SPAG6: variants seen among roughly 807,000 people sequenced by gnomAD.
SPAG6 encodes sperm-associated antigen 6.
A neutral mutation model predicts 58.5 loss-of-function variants in SPAG6; 49 were observed. That is an observed-to-expected ratio of 0.84 (90% CI 0.67 to 1.06). The LOEUF (loss-of-function observed/expected upper bound fraction) is 1.06. Ranked by LOEUF, SPAG6 falls within the 50% of genes least tolerant of loss-of-function variation. The probability of loss-of-function intolerance (pLI) is 0.00; values close to 1 mark genes in which losing one functional copy is unlikely to be tolerated. For synonymous variants in SPAG6, 233 were observed against 225.6 expected, an observed-to-expected ratio of 1.03 and a Z score of -0.29; for missense variants, 560 against 611.3, an observed-to-expected ratio of 0.92 and a Z score of 0.89.
At chr10:22,388,216 C>T (rs539780322) in intron 6 of SPAG6, among the ~76,000 whole-genome samples, 62 of 151,672 alleles carry the variant, frequency 4.1e-4, no homozygotes, top group Admixed American at 6.6e-4. Context: ...TAACCTCTGC[C>T]CACTAGATGC....
intron 2 of SPAG6, among the ~76,000 whole-genome samples, chr10:22,346,454 CTT>C (rs1836540169): frequency 5.8e-5 from 8 of 138,980 alleles, no homozygotes; most frequent in Admixed American, 4.9e-4. Flanking sequence ...TCTTCTTCTT[CTT>C]CTTCTTCTTC....
chr10:22,387,705 C>A (rs1834100247), intron 5 of SPAG6, 118 bp from the exon 6 acceptor site: 2 of 952,336 alleles, frequency 2.1e-6, no homozygotes, highest in Non-Finnish European at 2.9e-6. Flanking sequence ...TAGGCATGTA[C>A]ATTTTTTTCC....
chr10:22,345,707 ACT>A lies in SPAG6; in HGVS notation c.26-8_26-7del, dbSNP rs761148936. The A allele has an allele frequency of 7.5e-6, 12 of 1,606,068 alleles. No homozygotes were observed. The highest frequency in any genetic ancestry group is 4.5e-5 in the East Asian group (2 of 44,292). On this transcript the variant is annotated splice_polypyrimidine_tract_variant and intron_variant, in intron 1 of 10. Coordinates refer to ENST00000376624, the MANE Select transcript of SPAG6 (RefSeq NM_012443.4). This position sits in a 1 kb window ranked among gnomAD's most constrained non-coding sequence, Gnocchi z 6.3. ...GACCCGGGTGCGGTGGGCTCCACCG[ACT>A]CTCTCTCCCGCAGTGTTCGAGCAAT...
In SPAG6 at chr10:22,374,163, T is replaced by C. The variant is rs185591893; in HGVS notation, c.472+5485T>C. Reference sequence around the variant, plus strand: ...ACAGAATGTAATATATAAGCTCAGATTCCTAAGTTACTCATGCCTCTGACT... The same window carrying C: ...ACAGAATGTAATATATAAGCTCAGACTCCTAAGTTACTCATGCCTCTGACT... On this transcript the variant is annotated intron_variant, in intron 4 of 10. Transcript: ENST00000376624. Among the ~76,000 whole-genome samples the C allele has an allele frequency of 1.6e-3, 249 of 152,322 alleles. 1 individual carries two copies. The highest frequency in any genetic ancestry group is 2.7e-3 in the Non-Finnish European group (181 of 68,026).
At chr10:22,408,892 C>T (rs904099141) in intron 9 of SPAG6, among the ~76,000 whole-genome samples, 13 of 152,152 alleles carry the variant, frequency 8.5e-5, no homozygotes, top group African/African-American at 2.4e-4. Flanking sequence ...GGGAGTGACC[C>T]GATTTTCCAG....
intron 4 of SPAG6, among the ~76,000 whole-genome samples, chr10:22,380,604 G>A (rs1833931205): frequency 1.3e-5 from 2 of 152,056 alleles, no homozygotes; most frequent in African/African-American, 4.8e-5. Flanking sequence ...ACTGTACCCA[G>A]GCAAAATGTA....
rs773691466 is a variant in SPAG6 at position 22,411,025 on chromosome 10, T to C, written c.1315-6T>C. ...AGCTGACATTTTATGTGCTTCACTT[T>C]GCAAGGTGCTGCCGCATGATAGCAA... On this transcript the variant is annotated splice_polypyrimidine_tract_variant and splice_region_variant and intron_variant, in intron 9 of 10. Coordinates refer to ENST00000376624, the MANE Select transcript of SPAG6 (RefSeq NM_012443.4). 1 of 1,607,564 alleles carries C rather than the reference T, an allele frequency of 6.2e-7. No homozygotes were observed. The highest frequency in any genetic ancestry group is 2.2e-5 in the East Asian group (1 of 44,842).
intron 2 of SPAG6, among the ~76,000 whole-genome samples, chr10:22,347,434 C>T (rs1408307582): frequency 6.6e-6 from 1 of 152,086 alleles, no homozygotes; most frequent in Non-Finnish European, 1.5e-5. Context: ...AAAGTGTAAA[C>T]TTTTAAAGTT....
chr10:22,412,569 A>G, intron 10 of SPAG6: 9 of 945,652 alleles, frequency 9.5e-6, no homozygotes, highest in Non-Finnish European at 1.3e-5. Context: ...AAGCAGTGAT[A>G]TATCATAACA....
chr10:22,416,081 T>C (rs2130657874), intron 10 of SPAG6, among the ~76,000 whole-genome samples: 1 of 152,286 alleles, frequency 6.6e-6, no homozygotes, highest in East Asian at 1.9e-4. Flanking sequence ...TAAATAGTTT[T>C]TCAATACTAA....
At chr10:22,364,160 G>T (rs559047231) in intron 2 of SPAG6, among the ~76,000 whole-genome samples, 5 of 150,772 alleles carry the variant, frequency 3.3e-5, no homozygotes, top group Non-Finnish European at 7.4e-5. Context: ...TTAGTTGTGT[G>T]ACAATTAACC....
rs764257805 is a variant in SPAG6 at position 22,387,802 on chromosome 10, TG to T, written c.679-20del. On this transcript the variant is annotated intron_variant, in intron 5 of 10. Transcript: ENST00000376624. ...ATGCTATATAGTGTTTTGTTGTTGTTGTTTTTTTTTTGCTTCACAGCATCAG... is the reference window on the plus strand; with the variant it reads ...ATGCTATATAGTGTTTTGTTGTTGTTTTTTTTTTTTGCTTCACAGCATCAG... The T allele has an allele frequency of 1.3e-6, 2 of 1,577,444 alleles. No individual in the cohort carries two copies. Among genetic ancestry groups the T allele is most frequent in the Non-Finnish European group, 1.7e-6 (2 of 1,162,336 alleles).
intron 4 of SPAG6, among the ~76,000 whole-genome samples, chr10:22,386,338 G>A (rs572160640): frequency 1.3e-5 from 2 of 152,060 alleles, no homozygotes; most frequent in Admixed American, 1.3e-4. Flanking sequence ...CACGTAAATA[G>A]CACAAAATAC....
At chr10:22,390,950 A>C (rs1000966850) in intron 7 of SPAG6, among the ~76,000 whole-genome samples, 2 of 152,238 alleles carry the variant, frequency 1.3e-5, no homozygotes, top group African/African-American at 4.8e-5. Context: ...GATTACCATA[A>C]TCTCAAATTA....
chr10:22,406,749 C>T (rs1834567616), intron 9 of SPAG6, among the ~76,000 whole-genome samples: 1 of 151,978 alleles, frequency 6.6e-6, no homozygotes, highest in African/African-American at 2.4e-5. Context: ...TTAAAGTCTC[C>T]CATTATTATT....
intron 4 of SPAG6, among the ~76,000 whole-genome samples, chr10:22,379,421 T>TTTCA (rs1833900202): frequency 6.6e-6 from 1 of 152,188 alleles, no homozygotes; most frequent in East Asian, 1.9e-4. Flanking sequence ...AAGACTGAAA[T>TTTCA]GTCTTTTATA....
Position 22,387,803 on chromosome 10 carries a change from G to GC in SPAG6, c.679-20_679-19insC. Reference sequence around the variant, plus strand: ...TGCTATATAGTGTTTTGTTGTTGTTGTTTTTTTTTTGCTTCACAGCATCAG... The same window carrying GC: ...TGCTATATAGTGTTTTGTTGTTGTTGCTTTTTTTTTTGCTTCACAGCATCAG... On this transcript the variant is annotated intron_variant, in intron 5 of 10. Transcript: ENST00000376624. The GC allele has an allele frequency of 7.4e-7, 1 of 1,358,010 alleles. No individual in the cohort carries two copies. The highest frequency in any genetic ancestry group is 1.0e-6 in the Non-Finnish European group (1 of 1,000,750). 84.1% of individuals were successfully genotyped at this position (1,358,010 alleles called of 1,614,324 possible).
chr10:22,373,907 T>C (rs1214274098), intron 4 of SPAG6, among the ~76,000 whole-genome samples: 1 of 152,216 alleles, frequency 6.6e-6, no homozygotes, highest in African/African-American at 2.4e-5. Context: ...AATATCCCTC[T>C]ATGTTTTTTG....
At chr10:22,406,709 CGTT>C (rs1834566396) in intron 9 of SPAG6, among the ~76,000 whole-genome samples, 1 of 152,200 alleles carries the variant, frequency 6.6e-6, no homozygotes, top group East Asian at 1.9e-4. Flanking sequence ...CTTTCTGTCT[CGTT>C]GATCTGTCTG....
Sources: allele counts gnomAD v4.1 joint callset (sites outside exome capture counted in the v4.1 genomes callset), GRCh38; gene constraint gnomAD v4.1.1; non-coding constraint Gnocchi (gnomAD v3.1); transcripts MANE v1.5; gene names NCBI Gene and HGNC (gene_info 2026-07-23, HGNC 2026-07-21).